Variants in UBXN2A observed in about 807,000 individuals in gnomAD.
The protein encoded by UBXN2A is UBX domain protein 2A, also known as UBX domain-containing protein 2A.
In UBXN2A, 28 loss-of-function variants were observed where a neutral mutation model predicts 28.4. The ratio of observed to expected loss-of-function variants is 0.99; its 90% CI spans 0.73 to 1.35. UBXN2A has a LOEUF of 1.35. UBXN2A is among the 40% of genes most tolerant of loss of function. UBXN2A has a pLI of 0.00. For synonymous variants in UBXN2A, 97 were observed against 103.6 expected (o/e 0.94, Z 0.39); for missense variants, 253 against 297.9 (o/e 0.85, Z 1.11).
chr2:23,960,018 C>T (rs1401810477), intron 2 of UBXN2A, among the ~76,000 whole-genome samples: 2 of 151,920 alleles, frequency 1.3e-5, no homozygotes, highest in East Asian at 1.9e-4. Context: ...TTTGGAAGGC[C>T]GAGGCGGGTG....
chr2:23,931,717 G>A lies in UBXN2A; in HGVS notation c.-138+4102G>A, dbSNP rs574896883. On this transcript the variant is annotated intron_variant, in intron 1 of 7. Coordinates refer to the UBXN2A transcript ENST00000404924. ...CCAGTGAATTTGACCTTTTCTCTGC[G>A]TGAAGAAATGCAAGGCCGGGCACAG... Among the ~76,000 whole-genome samples, 50 of 152,134 alleles carry A rather than the reference G, an allele frequency of 3.3e-4. 1 individual carries two copies. In the South Asian group the frequency reaches 8.9e-3, roughly 27 times the overall value.
At chr2:23,931,740 C>G (rs1288851106) in intron 1 of UBXN2A, among the ~76,000 whole-genome samples, 1 of 152,146 alleles carries the variant, frequency 6.6e-6, no homozygotes, top group Non-Finnish European at 1.5e-5. Context: ...AGGCCGGGCA[C>G]AGTGGCTCAC....
intron 6 of UBXN2A, chr2:23,996,706 A>G (rs1014543856): frequency 7.3e-6 from 1 of 136,394 alleles, no homozygotes; most frequent in Non-Finnish European, 1.5e-5. Context: ...CGAACTCCTG[A>G]CCTCATGATC....
chr2:23,980,251 A>G (rs1707839663), intron 4 of UBXN2A, among the ~76,000 whole-genome samples: 1 of 152,168 alleles, frequency 6.6e-6, no homozygotes, highest in East Asian at 1.9e-4. Context: ...TAATGCTACT[A>G]TGAACATTTA....
chr2:23,977,801 A>G (rs146411598), intron 4 of UBXN2A, among the ~76,000 whole-genome samples: 6 of 152,132 alleles, frequency 3.9e-5, no homozygotes, highest in African/African-American at 9.7e-5. Flanking sequence ...TCACATTTTT[A>G]TAAGATGAAT....
upstream of UBXN2A, among the ~76,000 whole-genome samples, chr2:23,935,528 A>T (rs1705497887): frequency 6.6e-6 from 1 of 152,220 alleles, no homozygotes; most frequent in African/African-American, 2.4e-5. Flanking sequence ...GCAAATCAAA[A>T]CCATAGTGAG....
chr2:23,974,106 C>G (rs1462520290), intron 3 of UBXN2A, among the ~76,000 whole-genome samples: 1 of 150,384 alleles, frequency 6.6e-6, no homozygotes, highest in Admixed American at 6.7e-5. Flanking sequence ...GCTCCGCCTC[C>G]TGGGTTCATG....
chr2:23,934,225 A>G (rs1705459559), intron 1 of UBXN2A, among the ~76,000 whole-genome samples: 1 of 152,108 alleles, frequency 6.6e-6, no homozygotes, highest in South Asian at 2.1e-4. Flanking sequence ...TAAAAAAAAA[A>G]AATTGTTGAC....
upstream of UBXN2A, among the ~76,000 whole-genome samples, chr2:23,937,723 A>G (rs1705569866): frequency 6.6e-6 from 1 of 152,262 alleles, no homozygotes; most frequent in African/African-American, 2.4e-5. Context: ...GTGGAAAACT[A>G]TAAAACACTG....
chr2:23,982,533 C>T (rs191774404), intron 4 of UBXN2A, among the ~76,000 whole-genome samples: 2 of 152,118 alleles, frequency 1.3e-5, no homozygotes, highest in Admixed American at 6.6e-5. Flanking sequence ...CAGTGGTTCA[C>T]GCCTATAATC....
chr2:23,959,346 G>A (rs1296287488), intron 2 of UBXN2A, among the ~76,000 whole-genome samples: 2 of 151,922 alleles, frequency 1.3e-5, no homozygotes, highest in Non-Finnish European at 2.9e-5. Flanking sequence ...ACAAAAATTA[G>A]CCAGGTGTGG....
At chr2:23,975,325 A>C (rs1042598755) in intron 3 of UBXN2A, among the ~76,000 whole-genome samples, 1 of 152,218 alleles carries the variant, frequency 6.6e-6, no homozygotes, top group African/African-American at 2.4e-5. Flanking sequence ...ATTTTGAAGA[A>C]GTGTCAAAGA....
chr2:23,957,435 T>C (rs536196861), intron 1 of UBXN2A, among the ~76,000 whole-genome samples: 2 of 152,254 alleles, frequency 1.3e-5, no homozygotes, highest in Admixed American at 1.3e-4. Flanking sequence ...TCTGAATAAC[T>C]GGGACTACAG....
In UBXN2A at chr2:24,003,294, T is replaced by C. The variant is rs1329682104; in HGVS notation, c.*3427T>C. ...AAACACATCTGCTAGACCACTAAGTTTATCCTTGTCACCCAGTTTGCTCTT... is the reference window on the plus strand; with the variant it reads ...AAACACATCTGCTAGACCACTAAGTCTATCCTTGTCACCCAGTTTGCTCTT... On this transcript the variant is annotated 3_prime_UTR_variant, in exon 7 of 7. Transcript: ENST00000309033. The C allele has an allele frequency of 2.6e-5, 4 of 152,228 alleles. No individual in the cohort carries two copies. Among genetic ancestry groups the C allele is most frequent in the Non-Finnish European group, 5.9e-5 (4 of 68,048 alleles). The allele number at this position is 152,228 out of a possible 1,614,324, so 9.4% of individuals were successfully genotyped here. A position where few individuals can be genotyped will look rare whatever the true frequency, so the allele number is the denominator to read the frequency against.
intron 6 of UBXN2A, among the ~76,000 whole-genome samples, chr2:23,998,141 A>C (rs1708611488): frequency 6.6e-6 from 1 of 152,172 alleles, no homozygotes; most frequent in South Asian, 2.1e-4. Context: ...TTAATACATA[A>C]ATATAGAATA....
chr2:23,940,988 A>C (rs1705728036), intron 1 of UBXN2A, among the ~76,000 whole-genome samples: 1 of 152,122 alleles, frequency 6.6e-6, no homozygotes, highest in Admixed American at 6.5e-5. Flanking sequence ...TCTATTTTCA[A>C]AGGCGAACGC....
At position 24,002,635 on chromosome 2, in the gene UBXN2A, C is replaced by T. The variant is rs779063327; in HGVS notation, c.*2768C>T. On this transcript the variant is annotated 3_prime_UTR_variant, in exon 7 of 7. Transcript: ENST00000309033. ...ATGTTGGCCTGGCTGGCCTCTAACT[C>T]GTAACCTCAGGTGATCCGCCCGCCT... 2 of 152,160 alleles carry T rather than the reference C, an allele frequency of 1.3e-5. No homozygotes were observed. The highest frequency in any genetic ancestry group is 2.4e-5 in the African/African-American group (1 of 41,436). 9.4% of individuals were successfully genotyped at this position (152,160 alleles called of 1,614,324 possible). A position where few individuals can be genotyped will look rare whatever the true frequency, so the allele number is the denominator to read the frequency against.
chr2:23,976,227 C>T (rs1707658280), intron 3 of UBXN2A, among the ~76,000 whole-genome samples: 1 of 152,124 alleles, frequency 6.6e-6, no homozygotes, highest in Admixed American at 6.6e-5. Context: ...CCGCGCCTGG[C>T]CCACCAGTTA....
chr2:23,940,768 G>C (rs866468200), intron 1 of UBXN2A, 120 bp downstream of exon 1: 8 of 152,026 alleles, frequency 5.3e-5, no homozygotes, highest in African/African-American at 1.7e-4. Flanking sequence ...GTCGGTGTCG[G>C]GGGGAGTCTC....
Sources: allele counts gnomAD v4.1 joint callset (sites outside exome capture counted in the v4.1 genomes callset), GRCh38; gene constraint gnomAD v4.1.1; transcripts MANE v1.5; gene names NCBI Gene and HGNC (gene_info 2026-07-23, HGNC 2026-07-21).